Variants in LYAR observed in about 807,000 individuals in gnomAD.
The protein encoded by LYAR is cell growth-regulating nucleolar protein.
LYAR carries 37 observed loss-of-function variants against 45.2 expected under a neutral mutation model. The ratio of observed to expected loss-of-function variants is 0.82; its 90% CI spans 0.63 to 1.08. The LOEUF (loss-of-function observed/expected upper bound fraction) is 1.08, where lower values mean the gene tolerates loss of function less well. LYAR is among the 50% of genes least tolerant of loss of function. The pLI, the probability that LYAR is intolerant of heterozygous loss-of-function variation, is 0.00. For missense variants in LYAR, 493 were observed against 451.0 expected (o/e 1.09, Z -0.84); for synonymous variants, 176 against 155.1 (o/e 1.14, Z -1.00).
chr4:4,281,104 T>A (rs1344121699), intron 4 of LYAR, among the ~76,000 whole-genome samples: 1 of 152,214 alleles, frequency 6.6e-6, no homozygotes, highest in Non-Finnish European at 1.5e-5. Flanking sequence ...TTTTGCCTAA[T>A]TCTAATGACT....
At chr4:4,283,576 T>C (rs1302049983) in intron 3 of LYAR, 45 bp downstream of exon 3, 14 of 1,572,370 alleles carry the variant, frequency 8.9e-6, no homozygotes, top group Non-Finnish European at 1.2e-5. Flanking sequence ...CTTCCAAAAC[T>C]GATCTGGATT....
At chr4:4,268,834 G>A in intron 8 of LYAR, 1 of 444,842 alleles carries the variant, frequency 2.2e-6, no homozygotes, top group Non-Finnish European at 4.0e-6. Flanking sequence ...GTGCCCATGT[G>A]CTATTGGCAT....
intron 2 of LYAR, among the ~76,000 whole-genome samples, chr4:4,285,576 G>T (rs1488650086): frequency 6.6e-6 from 1 of 152,216 alleles, no homozygotes; most frequent in Non-Finnish European, 1.5e-5. Context: ...TAGTCACCAA[G>T]AAATAGATTG....
At chr4:4,278,608 G>A (rs1577215281) in intron 6 of LYAR, among the ~76,000 whole-genome samples, 1 of 152,112 alleles carries the variant, frequency 6.6e-6, no homozygotes, top group South Asian at 2.1e-4. Flanking sequence ...TAGTCACTAC[G>A]TCCTCACCCT....
At chr4:4,288,658 G>T (rs1473296101) in intron 1 of LYAR, among the ~76,000 whole-genome samples, 4 of 151,956 alleles carry the variant, frequency 2.6e-5, no homozygotes, top group African/African-American at 9.7e-5. Context: ...GCTAATTTTT[G>T]TATTTTTAGT....
At chr4:4,282,005 G>A in intron 3 of LYAR, 108 bp from the exon 4 acceptor site, 3 of 695,536 alleles carry the variant, frequency 4.3e-6, no homozygotes, top group South Asian at 3.5e-5. Flanking sequence ...ATTTTCACAT[G>A]TGTCTATCAC....
chr4:4,275,327 TTG>T (rs1356810902), intron 6 of LYAR, among the ~76,000 whole-genome samples: 1 of 152,230 alleles, frequency 6.6e-6, no homozygotes, highest in East Asian at 1.9e-4. Flanking sequence ...AACCAGCCCA[TTG>T]TGTGTGAAGA....
Position 4,274,518 on chromosome 4 carries a change from C to G in LYAR, c.681G>C (p.Gln227His), listed in dbSNP as rs1316814705. The change falls in exon 7 of 10, where the codon CAG becomes CAC. Residue 227 changes from glutamine (Q) to histidine (H), a missense_variant. Coordinates refer to ENST00000343470, the MANE Select transcript of LYAR (RefSeq NM_017816.3). ...NQKPKKRKKG[Q>H]EADLEAGGEE... ...CCCCACCAGCCTCAAGGTCAGCCTCCTGTCCCTTTTTGCGCTTCTTAGGCT... is the reference window on the plus strand; with the variant it reads ...CCCCACCAGCCTCAAGGTCAGCCTCGTGTCCCTTTTTGCGCTTCTTAGGCT... 1 of 1,614,220 alleles carries G rather than the reference C, an allele frequency of 6.2e-7. No homozygotes were observed. The highest frequency in any genetic ancestry group is 1.7e-5 in the Admixed American group (1 of 60,028).
chr4:4,279,470 T>C lies in LYAR; in HGVS notation c.406A>G (p.Ile136Val), dbSNP rs768870285. 1.2e-6 allele frequency: 2 copies of C among 1,612,368 alleles called. No individual in the cohort carries two copies. Among genetic ancestry groups the C allele is most frequent in the South Asian group, 2.2e-5 (2 of 90,982 alleles). The change falls in exon 6 of 10, where the codon ATC becomes GTC. Residue 136 changes from isoleucine (I) to valine (V), a missense_variant. Coordinates refer to ENST00000343470, the MANE Select transcript of LYAR (RefSeq NM_017816.3). ...ACGCTGTTGGAAGCTTCAGAAAAGA[T>C]ATTCCACACCTGGTCCAGAATGGAT... ...NESILDQVWN[I>V]FSEASNSEPV...
In LYAR at chr4:4,268,036, A is replaced by G; in HGVS notation, c.1006-13T>C. The G allele has an allele frequency of 6.4e-7, 1 of 1,564,402 alleles. No individual in the cohort carries two copies. The highest frequency in any genetic ancestry group is 8.6e-7 in the Non-Finnish European group (1 of 1,159,580). The stretch of plus-strand genomic sequence containing the variant: ...ACTGAGCTAAAACCTTCACAAAGAA[A>G]AACATCAAATGAGTGTATTTGACCT... On this transcript the variant is annotated splice_polypyrimidine_tract_variant and intron_variant, in intron 9 of 9. Coordinates refer to ENST00000343470, the MANE Select transcript of LYAR (RefSeq NM_017816.3).
At chr4:4,281,237 C>CT (rs1002437323) in intron 4 of LYAR, among the ~76,000 whole-genome samples, 3 of 151,924 alleles carry the variant, frequency 2.0e-5, no homozygotes, top group Admixed American at 1.3e-4. Flanking sequence ...AATTCTAAAA[C>CT]TTTTTTTTCA....
rs1719045067 is a variant in LYAR, at chr4:4,273,672, A to G, written c.833-3T>C. The G allele has an allele frequency of 6.3e-7, 1 of 1,583,696 alleles. No homozygotes were observed. Among genetic ancestry groups the G allele is most frequent in the African/African-American group, 1.4e-5 (1 of 73,718 alleles). On this transcript the variant is annotated splice_region_variant and splice_polypyrimidine_tract_variant and intron_variant, in intron 7 of 9. Transcript: ENST00000343470. ...TTTCTTCTTAGAATCTGTTTCAACT[A>G]AGTATTTGGAAAGATTTTTTTTAAA... is the stretch of plus-strand genomic sequence containing the variant.
intron 1 of LYAR, among the ~76,000 whole-genome samples, chr4:4,287,252 G>C (rs1719654365): frequency 6.6e-6 from 1 of 152,180 alleles, no homozygotes; most frequent in Admixed American, 6.6e-5. Context: ...AAAAGAGAAA[G>C]GCAGGCAGAA....
At chr4:4,286,010 T>C (rs1560098565) in intron 2 of LYAR, among the ~76,000 whole-genome samples, 1 of 152,240 alleles carries the variant, frequency 6.6e-6, no homozygotes, top group Non-Finnish European at 1.5e-5. Flanking sequence ...TCTGGTTACA[T>C]GTCCAGCTAA....
chr4:4,289,773 A>C (rs1477091096), intron 1 of LYAR: 1 of 152,284 alleles, frequency 6.6e-6, no homozygotes, highest in African/African-American at 2.4e-5. Flanking sequence ...CCTGAAGCCC[A>C]GTCGGGCGGT....
At chr4:4,280,551 G>A (rs1190571695) in intron 4 of LYAR, among the ~76,000 whole-genome samples, 1 of 152,166 alleles carries the variant, frequency 6.6e-6, no homozygotes, top group African/African-American at 2.4e-5. Flanking sequence ...ATAAGTTTCT[G>A]TAGTTTGCTG....
In LYAR at chr4:4,272,258, G is replaced by A. The variant is rs895322013; in HGVS notation, c.919+1325C>T. 2.6e-5 allele frequency among the ~76,000 whole-genome samples: 4 copies of A among 152,192 alleles called. No individual in the cohort carries two copies. The South Asian group carries it at 8.3e-4, about 31-fold the overall frequency. The stretch of plus-strand genomic sequence containing the variant: ...GGTACGCGGATACATAAGGACGCCT[G>A]AGTCTCCATTATTTCTTACAACTGC... On this transcript the variant is annotated intron_variant, in intron 8 of 9. Transcript: ENST00000343470.
intron 1 of LYAR, among the ~76,000 whole-genome samples, chr4:4,288,369 C>G (rs1053760926): frequency 6.6e-6 from 1 of 152,190 alleles, no homozygotes; most frequent in African/African-American, 2.4e-5. Flanking sequence ...CACCCCATGG[C>G]TGCCTACTTT....
chr4:4,280,465 C>G (rs1165350031), intron 4 of LYAR, among the ~76,000 whole-genome samples: 1 of 152,104 alleles, frequency 6.6e-6, no homozygotes, highest in Non-Finnish European at 1.5e-5. Flanking sequence ...TACCAAATAG[C>G]CAAAACAATC....
Sources: allele counts gnomAD v4.1 joint callset (sites outside exome capture counted in the v4.1 genomes callset), GRCh38; gene constraint gnomAD v4.1.1; transcripts MANE v1.5; gene names NCBI Gene and HGNC (gene_info 2026-07-23, HGNC 2026-07-21).